ACADM: variants seen among roughly 807,000 people sequenced by gnomAD.
ACADM encodes the protein medium-chain specific acyl-CoA dehydrogenase, mitochondrial.
A neutral mutation model predicts 58.9 loss-of-function variants in ACADM; 49 were observed. The ratio of observed to expected loss-of-function variants is 0.83; its 90% CI spans 0.66 to 1.06. The LOEUF is 1.06. Ranked by LOEUF, ACADM falls within the 50% of genes least tolerant of loss-of-function variation. The pLI is 0.00. For missense variants in ACADM, 496 were observed against 507.0 expected (o/e 0.98, Z 0.21); for synonymous variants, 160 against 157.7 (o/e 1.01, Z -0.11).
intron 1 of ACADM, 23 bp downstream of exon 1, chr1:75,724,840 G>T: frequency 2.7e-6 from 4 of 1,467,578 alleles, no homozygotes; most frequent in Non-Finnish European, 3.6e-6. Context: ...CCAGCGGTGC[G>T]GTGGGGCTGG....
intron 7 of ACADM, among the ~76,000 whole-genome samples, chr1:75,742,864 A>G (rs1201958106): frequency 6.6e-6 from 1 of 152,198 alleles, no homozygotes; most frequent in Non-Finnish European, 1.5e-5. Context: ...TAGAAGAGGC[A>G]TCTTGAAGTC....
intron 1 of ACADM, 110 bp from the exon 2 acceptor site, chr1:75,728,291 C>A: frequency 1.3e-6 from 1 of 767,462 alleles, no homozygotes; most frequent in Non-Finnish European, 2.1e-6. Context: ...ACTTTAAAAA[C>A]TATGAGTATG....
At chr1:75,758,530 TC>T (rs1182969587) in intron 10 of ACADM, among the ~76,000 whole-genome samples, 2 of 152,176 alleles carry the variant, frequency 1.3e-5, no homozygotes, top group African/African-American at 2.4e-5. Context: ...CAGCTGGACT[TC>T]CTGGGTCGAG....
intron 11 of ACADM, chr1:75,761,585 G>T (rs1648864740): frequency 1.7e-6 from 1 of 586,206 alleles, no homozygotes; most frequent in Admixed American, 3.0e-5. Context: ...AAAAAAAATG[G>T]TACAGACATG....
chr1:75,737,114 A>G (rs1647292488), intron 6 of ACADM, among the ~76,000 whole-genome samples: 1 of 151,216 alleles, frequency 6.6e-6, no homozygotes, highest in Admixed American at 6.6e-5. Context: ...TACAGAAAAA[A>G]AATAAATAAA....
In ACADM at chr1:75,732,681, T is replaced by G. The variant is rs1647166139; in HGVS notation, c.156T>G (p.Ala52=). 1 of 1,613,948 alleles carries G rather than the reference T, an allele frequency of 6.2e-7. No homozygotes were observed. The highest frequency in any genetic ancestry group is 8.5e-7 in the Non-Finnish European group (1 of 1,179,984). Residue 52 remains alanine, a synonymous_variant, in exon 3 of 12, where the codon GCT becomes GCG. Coordinates refer to ENST00000370841, the MANE Select transcript of ACADM (RefSeq NM_000016.6). ...AGCAGAAAGAATTTCAAGCTACTGC[T>G]CGTAAATTTGCCAGAGAGGAAATCA... ...TEQQKEFQAT[A]RKFAREEIIP...
At chr1:75,734,914 G>T in intron 6 of ACADM, 43 bp downstream of exon 6, 1 of 1,433,106 alleles carries the variant, frequency 7.0e-7, no homozygotes, top group South Asian at 1.2e-5. Context: ...CTTAAGAAGG[G>T]AACAAAGGTG....
chr1:75,738,167 T>G (rs1238783624), intron 6 of ACADM, among the ~76,000 whole-genome samples: 1 of 151,918 alleles, frequency 6.6e-6, no homozygotes, highest in Non-Finnish European at 1.5e-5. Flanking sequence ...CTGCCCACCT[T>G]GGCCTCCCAA....
At chr1:75,756,377 C>CA (rs1379620531) in intron 10 of ACADM, among the ~76,000 whole-genome samples, 7 of 151,976 alleles carry the variant, frequency 4.6e-5, no homozygotes, top group African/African-American at 1.7e-4. Context: ...TCTCTGGATA[C>CA]AAAATCAATG....
At chr1:75,756,543 C>T (rs1459474726) in intron 10 of ACADM, among the ~76,000 whole-genome samples, 2 of 152,096 alleles carry the variant, frequency 1.3e-5, no homozygotes, top group Non-Finnish European at 2.9e-5. Flanking sequence ...CACAAACCAC[C>T]ACTCAATGAA....
chr1:75,727,317 C>T (rs776469208), intron 1 of ACADM, among the ~76,000 whole-genome samples: 10 of 152,056 alleles, frequency 6.6e-5, no homozygotes, highest in Admixed American at 4.6e-4. Flanking sequence ...TTTCTTTTTA[C>T]GGATTTTGAA....
intron 2 of ACADM, among the ~76,000 whole-genome samples, chr1:75,728,804 A>G (rs933451336): frequency 6.6e-6 from 1 of 152,196 alleles, no homozygotes; most frequent in East Asian, 1.9e-4. Context: ...TACATATCTG[A>G]ATGCCACAAA....
Position 75,745,850 on chromosome 1 carries a change from C to A in ACADM, c.644C>A (p.Ala215Asp). 1 of 1,613,896 alleles carries A rather than the reference C, an allele frequency of 6.2e-7. No homozygotes were observed. The highest frequency in any genetic ancestry group is 8.5e-7 in the Non-Finnish European group (1 of 1,179,924). ...TCTGATCCAGATCCTAAAGCTCCTGCTAATAAAGCCTTTACTGGATTCATT... is the reference window on the plus strand; with the variant it reads ...TCTGATCCAGATCCTAAAGCTCCTGATAATAAAGCCTTTACTGGATTCATT... Reference protein sequence around the residue: ...ARSDPDPKAPANKAFTGFIVE... With the variant: ...ARSDPDPKAPDNKAFTGFIVE... Residue 215 changes from alanine to aspartate, a missense_variant, in exon 8 of 12, where the codon GCT (alanine) becomes GAT (aspartate). Coordinates refer to ENST00000370841, the MANE Select transcript of ACADM (RefSeq NM_000016.6).
chr1:75,753,369 A>G (rs1648309015), intron 10 of ACADM, among the ~76,000 whole-genome samples: 1 of 150,278 alleles, frequency 6.7e-6, no homozygotes, highest in Admixed American at 6.6e-5. Flanking sequence ...TCAGGATTTA[A>G]ATTCCTTTTT....
chr1:75,733,526 A>G lies in ACADM; in HGVS notation c.287-2A>G, dbSNP rs1057518677. ...ATGTGTTGAAACATTTTGATACTGTAGGAGGTCTTGGACTTGGAACTTTTG... is the reference window on the plus strand; with the variant it reads ...ATGTGTTGAAACATTTTGATACTGTGGGAGGTCTTGGACTTGGAACTTTTG... On this transcript the variant is annotated splice_acceptor_variant, in intron 4 of 11. Transcript: ENST00000370841. LOFTEE classifies it high-confidence loss of function. The G allele has an allele frequency of 6.2e-7, 1 of 1,610,470 alleles. No individual in the cohort carries two copies.
intron 6 of ACADM, among the ~76,000 whole-genome samples, chr1:75,735,149 C>G (rs1323038623): frequency 6.6e-6 from 1 of 151,804 alleles, no homozygotes; most frequent in African/African-American, 2.4e-5. Context: ...AACCCCATCT[C>G]TACTGAAAAT....
chr1:75,734,668 C>A, intron 5 of ACADM, 123 bp from the exon 6 acceptor site: 1 of 731,890 alleles, frequency 1.4e-6, no homozygotes, highest in Non-Finnish European at 2.4e-6. Flanking sequence ...AGGTATAGGC[C>A]AGTTCTTTGG....
chr1:75,732,613 G>A, intron 2 of ACADM, 31 bp from the exon 3 acceptor site: 2 of 1,542,972 alleles, frequency 1.3e-6, no homozygotes, highest in African/African-American at 1.4e-5. Context: ...TTGTTATCCA[G>A]TTTTAACTTT....
chr1:75,743,313 A>G, intron 7 of ACADM: 3 of 1,298,482 alleles, frequency 2.3e-6, no homozygotes, highest in East Asian at 2.3e-5. Context: ...CTTGAGGCCA[A>G]CAGCATGTGC....
Sources: gnomAD v4.1 joint callset for allele counts (sites outside exome capture counted in the v4.1 genomes callset) on GRCh38, gnomAD v4.1.1 for gene constraint, MANE v1.5 for transcripts, NCBI Gene and HGNC (gene_info 2026-07-23, HGNC 2026-07-21) for gene names.